THBS4: variants seen among roughly 807,000 people sequenced by gnomAD.
The protein encoded by THBS4 is thrombospondin 4.
THBS4 carries 90 observed loss-of-function variants against 115.7 expected under a neutral mutation model. That is an observed-to-expected ratio of 0.78 (90% confidence interval 0.66 to 0.93). The LOEUF (loss-of-function observed/expected upper bound fraction) is 0.93, where lower values mean the gene tolerates loss of function less well. Ranked by LOEUF, THBS4 falls within the 40% of genes least tolerant of loss-of-function variation. The probability of loss-of-function intolerance (pLI) is 0.00; values close to 1 mark genes in which losing one functional copy is unlikely to be tolerated. For missense variants in THBS4, 1,087 were observed against 1,232.7 expected (o/e 0.88, Z 1.77); for synonymous variants, 460 against 479.3 (o/e 0.96, Z 0.53).
chr5:80,017,410 A>G (rs912238168), intron 2 of THBS4, among the ~76,000 whole-genome samples: 1 of 152,128 alleles, frequency 6.6e-6, no homozygotes, highest in Admixed American at 6.5e-5. Flanking sequence ...TCCATCTACT[A>G]ATTTTTAAAT....
At position 80,035,390 on chromosome 5, in the gene THBS4, G is replaced by A. The variant is rs991366255; in HGVS notation, c.-148G>A. 2.8e-5 allele frequency: 9 copies of A among 316,304 alleles called. No individual in the cohort carries two copies. Among genetic ancestry groups the A allele is most frequent in the African/African-American group, 1.6e-4 (7 of 44,902 alleles). The allele number at this position is 316,304 out of a possible 1,614,324, so 19.6% of individuals were successfully genotyped here. On this transcript the variant is annotated 5_prime_UTR_variant, in exon 1 of 22. Transcript: ENST00000350881. This position sits in a 1 kb window ranked among gnomAD's most constrained non-coding sequence, Gnocchi z 4.6. Reference sequence around the variant, plus strand: ...CACCGCACGGCGGGGACGCGAGCGCGCCCCCGACGGCAGCCCGGACGCCGA... The same window carrying A: ...CACCGCACGGCGGGGACGCGAGCGCACCCCCGACGGCAGCCCGGACGCCGA...
At chr5:80,078,330 T>C (rs192082596) in intron 17 of THBS4, 103 bp downstream of exon 17, 2 of 989,114 alleles carry the variant, frequency 2.0e-6, no homozygotes, top group Non-Finnish European at 2.8e-6. Flanking sequence ...AAGCCAGGCA[T>C]TCTTCACATT....
chr5:80,058,762 G>A lies in THBS4; in HGVS notation c.704G>A (p.Gly235Glu). ...GQMTQLNQLL[G>E]EVKDLLRQQV... ...ATGACACAATTAAACCAACTCCTGG[G>A]AGAGGTGAAGGACCTTCTGAGACAG... Residue 235 changes from glycine (G) to glutamate (E), a missense_variant, in exon 5 of 22, where the codon GGA becomes GAA. Gly to Glu is a moderately conservative substitution (Grantham distance 98). This residue lies in a region of THBS4 where 979 missense variants were observed against 1,103.7 expected (regional missense o/e 0.89). Transcript: ENST00000350881. The A allele has an allele frequency of 6.2e-7, 1 of 1,614,116 alleles. No individual in the cohort carries two copies. The highest frequency in any genetic ancestry group is 8.5e-7 in the Non-Finnish European group (1 of 1,180,008).
At chr5:79,996,305 A>T (rs1039295916) in intron 1 of THBS4, among the ~76,000 whole-genome samples, 1 of 152,214 alleles carries the variant, frequency 6.6e-6, no homozygotes, top group Non-Finnish European at 1.5e-5. Flanking sequence ...CTTTAAACAG[A>T]TATTCTTTAA....
At chr5:80,081,651 A>T (rs1002041393) in intron 20 of THBS4, among the ~76,000 whole-genome samples, 6 of 152,136 alleles carry the variant, frequency 3.9e-5, no homozygotes, top group Non-Finnish European at 7.3e-5. Context: ...TTTCAAACAA[A>T]TTTTCTCAAT....
intron 2 of THBS4, among the ~76,000 whole-genome samples, chr5:80,018,989 G>C (rs1832306093): frequency 6.7e-6 from 1 of 149,456 alleles, no homozygotes. Context: ...CTTCAGAAAG[G>C]ATTTTCTTTT....
rs1019328561 is a variant in THBS4 at position 80,077,116 on chromosome 5, G to A, written c.2086+68G>A. The A allele has an allele frequency of 4.2e-5, 60 of 1,414,168 alleles. 1 individual carries two copies. Among genetic ancestry groups the A allele is most frequent in the Admixed American group, 2.3e-4 (10 of 43,064 alleles). 87.6% of individuals were successfully genotyped at this position (1,414,168 alleles called of 1,614,324 possible). On this transcript the variant is annotated intron_variant, in intron 16 of 21. Coordinates refer to ENST00000350881, the MANE Select transcript of THBS4 (RefSeq NM_003248.6). ...CCTTCAGCCAGGCACATGGGGGCAC[G>A]CCTCTCTCCAGGCACCAACTCAGAA...
At chr5:80,065,221 T>G (rs950738219) in intron 8 of THBS4, among the ~76,000 whole-genome samples, 188 bp from the exon 9 acceptor site, 1 of 152,196 alleles carries the variant, frequency 6.6e-6, no homozygotes, top group Non-Finnish European at 1.5e-5. Flanking sequence ...CAATTCTCAT[T>G]TGCAATTAGA....
At chr5:80,042,108 G>A (rs1939905977) in intron 2 of THBS4, among the ~76,000 whole-genome samples, 1 of 152,204 alleles carries the variant, frequency 6.6e-6, no homozygotes, top group Non-Finnish European at 1.5e-5. Flanking sequence ...CAGGGGCCTT[G>A]AGGAGGTGTC....
At chr5:80,003,590 C>T (rs1315197340) in intron 2 of THBS4, among the ~76,000 whole-genome samples, 1 of 152,010 alleles carries the variant, frequency 6.6e-6, no homozygotes, top group East Asian at 1.9e-4. Flanking sequence ...GCAGTTCTTC[C>T]AGTAGAAAAA....
rs767505023 is a variant in THBS4, at chr5:80,070,630, T to G, written c.1453-13T>G. 18 of 1,610,646 alleles carry G rather than the reference T, an allele frequency of 1.1e-5. No individual in the cohort carries two copies. The highest frequency in any genetic ancestry group is 1.5e-5 in the Non-Finnish European group (18 of 1,176,898). ...ATGTAGGATGTCACTCGGAACTGCA[T>G]TTTCCCCCTAAGGACAACTGCAAAT... On this transcript the variant is annotated splice_polypyrimidine_tract_variant and intron_variant, in intron 11 of 21. Transcript: ENST00000350881.
At chr5:80,065,118 A>G (rs187979299) in intron 8 of THBS4, among the ~76,000 whole-genome samples, 1 of 152,266 alleles carries the variant, frequency 6.6e-6, no homozygotes, top group East Asian at 1.9e-4. Flanking sequence ...GCAAGATTAA[A>G]AAAAAAAATA....
At chr5:80,061,674 T>A in intron 7 of THBS4, 21 bp from the exon 8 acceptor site, 1 of 1,593,742 alleles carries the variant, frequency 6.3e-7, no homozygotes, top group South Asian at 1.1e-5. Flanking sequence ...GGCTAAAGAC[T>A]TTGAACTTTT....
At chr5:80,023,680 G>A (rs1374979177) in intron 2 of THBS4, among the ~76,000 whole-genome samples, 1 of 152,074 alleles carries the variant, frequency 6.6e-6, no homozygotes, top group Non-Finnish European at 1.5e-5. Context: ...AAGAGAGAGA[G>A]GTCTATTTGG....
intron 1 of THBS4, among the ~76,000 whole-genome samples, chr5:80,039,699 G>T (rs775766682): frequency 1.3e-5 from 2 of 152,142 alleles, no homozygotes; most frequent in Admixed American, 6.5e-5. Flanking sequence ...CACTGCTTGG[G>T]GACATCAGTA....
At chr5:80,041,604 C>T (rs1345078642) in intron 2 of THBS4, among the ~76,000 whole-genome samples, 1 of 152,192 alleles carries the variant, frequency 6.6e-6, no homozygotes, top group Non-Finnish European at 1.5e-5. Context: ...AGGCCTGTCA[C>T]TGGTTTGATC....
intron 2 of THBS4, among the ~76,000 whole-genome samples, chr5:80,010,927 G>A (rs1484954148): frequency 2.0e-5 from 3 of 152,204 alleles, no homozygotes; most frequent in Non-Finnish European, 4.4e-5. Context: ...TGGACAGATG[G>A]CAGCACAGCA....
rs59301311 is a variant in THBS4 at position 80,082,624 on chromosome 5, T to TCCCCC, written c.2824+82_2824+86dup. On this transcript the variant is annotated intron_variant, in intron 21 of 21. Transcript: ENST00000350881. ...TGCCACCTTATTTTTATACCGCACT[T>TCCCCC]CCCCCCCAAAAGCCCAACGCTCATA... 19 of 1,550,514 alleles carry TCCCCC rather than the reference T, an allele frequency of 1.2e-5. No homozygotes were observed. The African/African-American group carries it at 2.2e-4, about 18-fold the overall frequency.
chr5:80,021,209 G>A (rs1832366294), intron 2 of THBS4, among the ~76,000 whole-genome samples: 1 of 152,184 alleles, frequency 6.6e-6, no homozygotes, highest in Non-Finnish European at 1.5e-5. Flanking sequence ...GGGGGTTCAC[G>A]AAGTTCTCCC....
Sources: allele counts gnomAD v4.1 joint callset (sites outside exome capture counted in the v4.1 genomes callset), GRCh38; gene constraint gnomAD v4.1.1; regional missense constraint gnomAD v4.1.1; non-coding constraint Gnocchi (gnomAD v3.1); transcripts MANE v1.5; gene names NCBI Gene and HGNC (gene_info 2026-07-23, HGNC 2026-07-21).